Variants in STAT4 observed in about 807,000 individuals in gnomAD.
The protein encoded by STAT4 is signal transducer and activator of transcription 4.
A neutral mutation model predicts 110.5 loss-of-function variants in STAT4; 42 were observed. That is an observed-to-expected ratio of 0.38 (90% CI 0.30 to 0.49). The LOEUF is 0.49. STAT4 is among the 20% of genes least tolerant of loss of function. STAT4 has a pLI of 0.95. For synonymous variants in STAT4, 284 were observed against 302.2 expected, an observed-to-expected ratio of 0.94 and a Z score of 0.63; for missense variants, 632 against 887.9, an observed-to-expected ratio of 0.71 and a Z score of 3.66.
intron 3 of STAT4, among the ~76,000 whole-genome samples, chr2:191,079,001 A>G (rs1241107201): frequency 6.6e-6 from 1 of 152,028 alleles, no homozygotes; most frequent in East Asian, 1.9e-4. Context: ...AATAACATTT[A>G]CTGAACATCT....
rs147336807 is a variant in STAT4, at chr2:191,066,777, G to A, written c.545-262C>T. ...GGGTGTTTTGTTTTGTTTTGTTTTG[G>A]TGGTGGTGGACAGAGGAGATAAAGT... On this transcript the variant is annotated intron_variant, in intron 6 of 23. Coordinates refer to ENST00000392320, the MANE Select transcript of STAT4 (RefSeq NM_003151.4). This position sits in a 1 kb window ranked among gnomAD's most constrained non-coding sequence, Gnocchi z 4.3. Among the ~76,000 whole-genome samples the A allele has an allele frequency of 1.8e-4, 27 of 152,240 alleles. No homozygotes were observed. The highest frequency in any genetic ancestry group is 3.7e-4 in the Non-Finnish European group (25 of 68,010).
At chr2:191,079,536 T>G (rs1697405852) in intron 3 of STAT4, among the ~76,000 whole-genome samples, 1 of 152,056 alleles carries the variant, frequency 6.6e-6, no homozygotes, top group Admixed American at 6.6e-5. Flanking sequence ...AAACTCTGAT[T>G]CTAATGCTTT....
Position 191,150,912 on chromosome 2 carries a change from A to C in STAT4, c.-2+35T>G. ...TGCATAATAAGCATGTCCTCCTTAC[A>C]AGAGGCAGCCAGAAGGTGTGGTCTG... On this transcript the variant is annotated intron_variant, in intron 1 of 23. Transcript: ENST00000392320. The surrounding 1 kb of genome is among the most constrained non-coding windows in gnomAD (Gnocchi z 6.4). 1.0e-6 allele frequency: 1 copy of C among 985,424 alleles called. No homozygotes were observed. Among genetic ancestry groups the C allele is most frequent in the Non-Finnish European group, 1.2e-6 (1 of 829,852 alleles). 61.0% of individuals were successfully genotyped at this position (985,424 alleles called of 1,614,324 possible). A position where few individuals can be genotyped will look rare whatever the true frequency, so the allele number is the denominator to read the frequency against.
In STAT4 at chr2:191,059,986, C is replaced by G. The variant is rs1281403443; in HGVS notation, c.1035-1217G>C. Among the ~76,000 whole-genome samples the G allele has an allele frequency of 6.6e-6, 1 of 152,136 alleles. No homozygotes were observed. Among genetic ancestry groups the G allele is most frequent in the Non-Finnish European group, 1.5e-5 (1 of 68,018 alleles). On this transcript the variant is annotated intron_variant, in intron 10 of 23. Coordinates refer to ENST00000392320, the MANE Select transcript of STAT4 (RefSeq NM_003151.4). This position sits in a 1 kb window ranked among gnomAD's most constrained non-coding sequence, Gnocchi z 4.7. ...TCCAAGGTCATTCTTCCTTTTGAAACAGGAGGATGCAAAAGTATGGCAAAG... is the reference window on the plus strand; with the variant it reads ...TCCAAGGTCATTCTTCCTTTTGAAAGAGGAGGATGCAAAAGTATGGCAAAG...
intron 13 of STAT4, 66 bp downstream of exon 13, chr2:191,057,952 G>T: frequency 7.9e-7 from 1 of 1,268,562 alleles, no homozygotes. Flanking sequence ...GAATTATAAG[G>T]CGTATTAGTA....
chr2:191,075,852 T>TTTTTG (rs1559055673), intron 4 of STAT4, among the ~76,000 whole-genome samples: 1 of 149,364 alleles, frequency 6.7e-6, no homozygotes, highest in Non-Finnish European at 1.5e-5. Context: ...TTTTTTTTTT[T>TTTTTG]TTTTGTTTTG....
Position 191,150,831 on chromosome 2 carries a change from G to A in STAT4, c.-2+116C>T. The A allele has an allele frequency of 1.2e-6, 1 of 854,830 alleles. No individual in the cohort carries two copies. The highest frequency in any genetic ancestry group is 1.4e-6 in the Non-Finnish European group (1 of 710,898). The allele number at this position is 854,830 out of a possible 1,614,324, so 53.0% of individuals were successfully genotyped here. A position where few individuals can be genotyped will look rare whatever the true frequency, so the allele number is the denominator to read the frequency against. On this transcript the variant is annotated intron_variant, in intron 1 of 23. Coordinates refer to ENST00000392320, the MANE Select transcript of STAT4 (RefSeq NM_003151.4). The surrounding 1 kb of genome is among the most constrained non-coding windows in gnomAD (Gnocchi z 6.4). ...CTTCTATAATAAGCCTCCTCAGGAAGGTTAAAATGAAGCAATTGTCAAAAC... is the reference window on the plus strand; with the variant it reads ...CTTCTATAATAAGCCTCCTCAGGAAAGTTAAAATGAAGCAATTGTCAAAAC...
At chr2:191,094,346 T>A (rs955078976) in intron 3 of STAT4, among the ~76,000 whole-genome samples, 1 of 152,142 alleles carries the variant, frequency 6.6e-6, no homozygotes, top group Admixed American at 6.5e-5. Context: ...AGAGAAAGGT[T>A]GGGTTACCCA....
chr2:191,080,661 C>T (rs1051170370), intron 3 of STAT4, among the ~76,000 whole-genome samples: 1 of 152,094 alleles, frequency 6.6e-6, no homozygotes, highest in African/African-American at 2.4e-5. Context: ...TGATAAACAA[C>T]CACATCACTA....
In STAT4 at chr2:191,070,480, G is replaced by A. The variant is rs372237523; in HGVS notation, c.466-709C>T. ...CTCACTTGTCCAAGGTCACTCAGGT[G>A]CTCAGTGAGAAGTCTGTGGGAAGTC... On this transcript the variant is annotated intron_variant, in intron 5 of 23. Transcript: ENST00000392320. Among the ~76,000 whole-genome samples, 11 of 152,252 alleles carry A rather than the reference G, an allele frequency of 7.2e-5. No individual in the cohort carries two copies. The East Asian group carries it at 1.5e-3, about 21-fold the overall frequency.
chr2:191,149,954 C>A (rs1169055524), intron 1 of STAT4, among the ~76,000 whole-genome samples: 1 of 152,106 alleles, frequency 6.6e-6, no homozygotes, highest in Non-Finnish European at 1.5e-5. Flanking sequence ...ATATGGTTAA[C>A]AATAACTTAG....
intron 3 of STAT4, among the ~76,000 whole-genome samples, chr2:191,137,953 G>A (rs534273020): frequency 2.6e-5 from 4 of 152,132 alleles, no homozygotes; most frequent in Non-Finnish European, 5.9e-5. Context: ...TCTAGGCAAA[G>A]ATTTTATGCT....
Position 191,140,792 on chromosome 2 carries a change from GTTT to G in STAT4, c.273+5818_273+5820del, listed in dbSNP as rs1460676927. On this transcript the variant is annotated intron_variant, in intron 3 of 23. Coordinates refer to ENST00000392320, the MANE Select transcript of STAT4 (RefSeq NM_003151.4). This position sits in a 1 kb window ranked among gnomAD's most constrained non-coding sequence, Gnocchi z 4.4. Reference sequence around the variant, plus strand: ...ATAAAAAATACACACGCACAACCATGTTTATAGCAGTACAATTCACAATTGCAA... The same window carrying G: ...ATAAAAAATACACACGCACAACCATGATAGCAGTACAATTCACAATTGCAA... Among the ~76,000 whole-genome samples the G allele has an allele frequency of 4.6e-5, 7 of 152,136 alleles. No individual in the cohort carries two copies. Among genetic ancestry groups the G allele is most frequent in the African/African-American group, 1.7e-4 (7 of 41,412 alleles).
rs1043944850 is a variant in STAT4, at chr2:191,086,885, A to G, written c.274-10560T>C. On this transcript the variant is annotated intron_variant, in intron 3 of 23. Transcript: ENST00000392320. The surrounding 1 kb of genome is among the most constrained non-coding windows in gnomAD (Gnocchi z 5.5). Reference sequence around the variant, plus strand: ...TAACAACCTTTGTATCTGCCTGCTCATGTTTGGACTTCTCAGAAAGTTCAC... The same window carrying G: ...TAACAACCTTTGTATCTGCCTGCTCGTGTTTGGACTTCTCAGAAAGTTCAC... Among the ~76,000 whole-genome samples the G allele has an allele frequency of 5.9e-5, 9 of 152,150 alleles. No individual in the cohort carries two copies. Among genetic ancestry groups the G allele is most frequent in the Admixed American group, 5.9e-4 (9 of 15,278 alleles).
intron 3 of STAT4, among the ~76,000 whole-genome samples, chr2:191,122,557 A>C (rs934750829): frequency 6.6e-6 from 1 of 152,206 alleles, no homozygotes; most frequent in Non-Finnish European, 1.5e-5. Flanking sequence ...ACAAACAAAA[A>C]TGTTCCTGAG....
intron 3 of STAT4, among the ~76,000 whole-genome samples, chr2:191,126,636 G>C (rs1322977794): frequency 6.6e-6 from 1 of 152,108 alleles, no homozygotes; most frequent in Non-Finnish European, 1.5e-5. Flanking sequence ...ACTGCCCTCT[G>C]GGTTGGCAGC....
At chr2:191,134,417 C>T (rs1699123736) in intron 3 of STAT4, among the ~76,000 whole-genome samples, 1 of 152,118 alleles carries the variant, frequency 6.6e-6, no homozygotes, top group Non-Finnish European at 1.5e-5. Flanking sequence ...ACACTGGTGC[C>T]AGCATACTCC....
Position 191,077,677 on chromosome 2 carries a change from A to G in STAT4, c.274-1352T>C, listed in dbSNP as rs1697354422. ...TTTTTGACTTTGACTTTGCTGCCAC[A>G]ATTTTATTAAATGATGTCTGTTAAT... On this transcript the variant is annotated intron_variant, in intron 3 of 23. Transcript: ENST00000392320. This position sits in a 1 kb window ranked among gnomAD's most constrained non-coding sequence, Gnocchi z 4.1. 6.6e-6 allele frequency among the ~76,000 whole-genome samples: 1 copy of G among 152,206 alleles called. No individual in the cohort carries two copies. The highest frequency in any genetic ancestry group is 2.4e-5 in the African/African-American group (1 of 41,454).
intron 3 of STAT4, among the ~76,000 whole-genome samples, chr2:191,121,722 G>A (rs924335504): frequency 7.1e-6 from 1 of 139,994 alleles, no homozygotes; most frequent in African/African-American, 2.6e-5. Flanking sequence ...ATCGAAAAAT[G>A]AGAACACTTG....
Sources: gnomAD v4.1 joint callset for allele counts (sites outside exome capture counted in the v4.1 genomes callset) on GRCh38, gnomAD v4.1.1 for gene constraint, Gnocchi (gnomAD v3.1) non-coding constraint, MANE v1.5 for transcripts, NCBI Gene and HGNC (gene_info 2026-07-23, HGNC 2026-07-21) for gene names.